The following TANC2 variants were observed in gnomAD, a reference collection of about 807,000 sequenced individuals.
The protein encoded by TANC2 is protein TANC2.
TANC2 carries 26 observed loss-of-function variants against 210.5 expected under a neutral mutation model. The observed-to-expected ratio is 0.12, with a 90% CI of 0.09 to 0.17. TANC2 has a LOEUF of 0.17. TANC2 is among the 10% of genes least tolerant of loss of function. The pLI is 1.00. For synonymous variants in TANC2, 931 were observed against 967.1 expected, an observed-to-expected ratio of 0.96 and a Z score of 0.69; for missense variants, 2,129 against 2,608.9, an observed-to-expected ratio of 0.82 and a Z score of 4.01.
intron 7 of TANC2, among the ~76,000 whole-genome samples, chr17:63,222,931 A>G (rs572653849): frequency 2.6e-5 from 4 of 152,314 alleles, no homozygotes; most frequent in African/African-American, 4.8e-5. Flanking sequence ...CATATACACA[A>G]TGGAAACTTA....
chr17:63,082,009 CAA>C (rs1228425475), intron 3 of TANC2, among the ~76,000 whole-genome samples: 2 of 144,902 alleles, frequency 1.4e-5, no homozygotes, highest in Non-Finnish European at 3.1e-5. Context: ...ACTAAAAATA[CAA>C]AAAAAAAAAG....
chr17:63,189,125 T>C (rs2041100954), intron 5 of TANC2, among the ~76,000 whole-genome samples: 1 of 152,186 alleles, frequency 6.6e-6, no homozygotes, highest in African/African-American at 2.4e-5. Flanking sequence ...TTTTTTTTCA[T>C]GGCCAAATGT....
chr17:63,085,259 A>G (rs1413129207), intron 3 of TANC2, among the ~76,000 whole-genome samples: 1 of 151,858 alleles, frequency 6.6e-6, no homozygotes, highest in African/African-American at 2.4e-5. Flanking sequence ...TGTTTTTTTG[A>G]CCCATTGTTA....
At chr17:63,380,043 A>G (rs1410643003) in intron 15 of TANC2, among the ~76,000 whole-genome samples, 6 of 152,214 alleles carry the variant, frequency 3.9e-5, no homozygotes, top group Non-Finnish European at 7.3e-5. Context: ...CAGGAAATGT[A>G]TATGTATAAT....
Position 63,246,218 on chromosome 17 carries a change from A to C in TANC2, c.1033+8141A>C, listed in dbSNP as rs116625864. On this transcript the variant is annotated intron_variant, in intron 8 of 27. Coordinates refer to ENST00000689528, the Ensembl canonical transcript of TANC2. The stretch of plus-strand genomic sequence containing the variant: ...TCATTTTATTGAGTATATAAACCTA[A>C]GATGAGTACCCAAACTGGCCAGAAC... Among the ~76,000 whole-genome samples the C allele has an allele frequency of 4.2e-3, 634 of 149,962 alleles. 5 individuals carry two copies. Among genetic ancestry groups the C allele is most frequent in the African/African-American group, 0.015 (599 of 40,160 alleles).
chr17:63,217,420 T>A (rs2042052862), intron 7 of TANC2, among the ~76,000 whole-genome samples: 1 of 152,246 alleles, frequency 6.6e-6, no homozygotes, highest in South Asian at 2.1e-4. Context: ...CAAACAATTT[T>A]ATTTTTTAAA....
At chr17:63,007,520 CT>C in intron 1 of TANC2, among the ~76,000 whole-genome samples, 1 of 152,210 alleles carries the variant, frequency 6.6e-6, no homozygotes, top group African/African-American at 2.4e-5. Context: ...CAGATCTATG[CT>C]GCTTTTTCTC....
chr17:63,221,884 A>C (rs1247121471), intron 7 of TANC2, among the ~76,000 whole-genome samples: 2 of 152,200 alleles, frequency 1.3e-5, no homozygotes, highest in African/African-American at 4.8e-5. Flanking sequence ...TGACCTAGCC[A>C]TGCTATTCCT....
intron 1 of TANC2, among the ~76,000 whole-genome samples, chr17:62,984,748 T>G (rs1183289691): frequency 6.6e-6 from 1 of 152,220 alleles, no homozygotes; most frequent in Non-Finnish European, 1.5e-5. Context: ...TTGTTTTATT[T>G]CCATGTGTTT....
intron 1 of TANC2, among the ~76,000 whole-genome samples, chr17:62,998,514 T>G (rs1446866403): frequency 6.6e-6 from 1 of 152,102 alleles, no homozygotes; most frequent in Non-Finnish European, 1.5e-5. Flanking sequence ...AAAGAAGGGG[T>G]GGGTCACTTA....
At chr17:62,971,437 C>G (rs955880573) in intron 1 of TANC2, among the ~76,000 whole-genome samples, 21 of 152,272 alleles carry the variant, frequency 1.4e-4, no homozygotes, top group African/African-American at 4.1e-4. Flanking sequence ...TCAGGCGATC[C>G]TCTCACCTCA....
At chr17:63,010,271 A>G (rs766475405) in intron 2 of TANC2, among the ~76,000 whole-genome samples, 16 of 152,166 alleles carry the variant, frequency 1.1e-4, no homozygotes, top group Non-Finnish European at 1.8e-4. Context: ...ATTGATTTCA[A>G]AATGTTTCTG....
At chr17:63,273,954 T>C (rs1303390641) in intron 9 of TANC2, among the ~76,000 whole-genome samples, 2 of 152,244 alleles carry the variant, frequency 1.3e-5, no homozygotes, top group African/African-American at 4.8e-5. Context: ...GAGGATGTCA[T>C]TGTAATTGAA....
chr17:63,344,438 A>G (rs2046335928), intron 12 of TANC2, among the ~76,000 whole-genome samples: 1 of 152,228 alleles, frequency 6.6e-6, no homozygotes, highest in Admixed American at 6.5e-5. Flanking sequence ...GCAAGACAAG[A>G]GTGTTCCCTC....
intron 3 of TANC2, among the ~76,000 whole-genome samples, chr17:63,081,574 A>G (rs189161724): frequency 1.3e-5 from 2 of 152,336 alleles, no homozygotes; most frequent in Middle Eastern, 6.8e-3. Flanking sequence ...CCCTCCAGGA[A>G]CATACTTAAA....
At chr17:63,227,353 A>G (rs529687052) in intron 7 of TANC2, among the ~76,000 whole-genome samples, 5 of 152,244 alleles carry the variant, frequency 3.3e-5, no homozygotes, top group African/African-American at 7.2e-5. Context: ...CTAATGATCA[A>G]TGATGTTGAG....
intron 3 of TANC2, among the ~76,000 whole-genome samples, chr17:63,097,175 G>A (rs961857096): frequency 4.7e-4 from 72 of 151,722 alleles, no homozygotes; most frequent in African/African-American, 1.7e-3. Context: ...CAAGTAGCTG[G>A]GACTACAGGT....
chr17:63,331,570 G>A (rs1465934209), intron 11 of TANC2, among the ~76,000 whole-genome samples: 1 of 152,078 alleles, frequency 6.6e-6, no homozygotes, highest in Non-Finnish European at 1.5e-5. Flanking sequence ...AAGCCAAATT[G>A]GAATGCTTTT....
chr17:63,071,473 A>G (rs1397670797), intron 2 of TANC2, among the ~76,000 whole-genome samples: 2 of 152,078 alleles, frequency 1.3e-5, no homozygotes, highest in Non-Finnish European at 2.9e-5. Flanking sequence ...TTTCTTAAAT[A>G]GTGGTCTTCA....
Sources: allele counts gnomAD v4.1 joint callset (sites outside exome capture counted in the v4.1 genomes callset), GRCh38; gene constraint gnomAD v4.1.1; transcripts MANE v1.5; gene names NCBI Gene and HGNC (gene_info 2026-07-23, HGNC 2026-07-21).